The following ZNF704 variants were observed in gnomAD, a reference collection of about 807,000 sequenced individuals.
ZNF704 encodes the protein glucocorticoid induced gene 1.
A neutral mutation model predicts 44.7 loss-of-function variants in ZNF704; 10 were observed. The ratio of observed to expected loss-of-function variants is 0.22; its 90% CI spans 0.14 to 0.38. The LOEUF is 0.38. Ranked by LOEUF, ZNF704 falls within the 10% of genes least tolerant of loss-of-function variation. ZNF704 has a pLI of 1.00. For missense variants in ZNF704, 390 were observed against 545.5 expected, an observed-to-expected ratio of 0.71 and a Z score of 2.84; for synonymous variants, 211 against 207.6, an observed-to-expected ratio of 1.02 and a Z score of -0.14.
At chr8:80,767,536 T>C (rs1178285495) in intron 2 of ZNF704, among the ~76,000 whole-genome samples, 1 of 152,332 alleles carries the variant, frequency 6.6e-6, no homozygotes, top group South Asian at 2.1e-4. Context: ...AATCATAAAA[T>C]AGTGCATGTT....
chr8:80,815,578 C>T (rs1281040402), intron 2 of ZNF704, among the ~76,000 whole-genome samples: 1 of 152,146 alleles, frequency 6.6e-6, no homozygotes, highest in Non-Finnish European at 1.5e-5. Context: ...ATATTTTGAG[C>T]ATTACATTTG....
At position 80,633,131 on chromosome 8, in the gene ZNF704, A is replaced by G. The variant is rs751459868; in HGVS notation, c.*8235T>C. The G allele has an allele frequency of 5.3e-5, 8 of 152,218 alleles. No homozygotes were observed. Among genetic ancestry groups the G allele is most frequent in the Admixed American group, 5.2e-4 (8 of 15,284 alleles). 9.4% of individuals were successfully genotyped at this position (152,218 alleles called of 1,614,324 possible). On this transcript the variant is annotated 3_prime_UTR_variant, in exon 9 of 9. Coordinates refer to ENST00000327835, the MANE Select transcript of ZNF704 (RefSeq NM_001033723.3). ...TGCCAATGTCATTTAAATTGCATTCATATTTAAACATGACTTAACCATATT... is the reference window on the plus strand; with the variant it reads ...TGCCAATGTCATTTAAATTGCATTCGTATTTAAACATGACTTAACCATATT...
chr8:80,870,916 C>G (rs1304606170), intron 1 of ZNF704, among the ~76,000 whole-genome samples: 3 of 152,186 alleles, frequency 2.0e-5, no homozygotes, highest in African/African-American at 7.2e-5. Context: ...AACAGAAAAC[C>G]TGATTTTTGT....
chr8:80,651,887 C>T (rs1265774080), intron 7 of ZNF704, among the ~76,000 whole-genome samples: 1 of 152,176 alleles, frequency 6.6e-6, no homozygotes. Flanking sequence ...CCACACCACA[C>T]CTATTCCAAA....
chr8:80,789,175 C>T (rs980559590), intron 2 of ZNF704, among the ~76,000 whole-genome samples: 4 of 151,936 alleles, frequency 2.6e-5, no homozygotes, highest in Admixed American at 1.3e-4. Flanking sequence ...AATGATTCTA[C>T]AAAAGAGAAA....
At chr8:80,879,414 T>G (rs1370953645), upstream of ZNF704, among the ~76,000 whole-genome samples, 4 of 151,680 alleles carry the variant, frequency 2.6e-5, no homozygotes, top group African/African-American at 7.3e-5. Context: ...TTTTTGGGGG[T>G]TTATTTGTTT....
intron 3 of ZNF704, among the ~76,000 whole-genome samples, chr8:80,690,155 G>C (rs1338601527): frequency 6.6e-6 from 1 of 151,888 alleles, no homozygotes; most frequent in Non-Finnish European, 1.5e-5. Context: ...AGACAATTTG[G>C]GGTTATTAGT....
chr8:80,853,866 AG>A (rs1808913970), intron 1 of ZNF704, among the ~76,000 whole-genome samples: 1 of 152,218 alleles, frequency 6.6e-6, no homozygotes, highest in Non-Finnish European at 1.5e-5. Context: ...ATGGCCTGGA[AG>A]TCACTGGGAA....
chr8:80,755,784 C>T (rs886388376), intron 2 of ZNF704, among the ~76,000 whole-genome samples: 1 of 152,070 alleles, frequency 6.6e-6, no homozygotes, highest in African/African-American at 2.4e-5. Context: ...ACAACAGTAC[C>T]CCCAAACAGC....
rs118076620 is a variant in ZNF704 at position 80,770,368 on chromosome 8, C to T, written c.221+51006G>A. Among the ~76,000 whole-genome samples the T allele has an allele frequency of 3.9e-5, 6 of 152,288 alleles. No homozygotes were observed. In the East Asian group the frequency reaches 1.2e-3, roughly 29 times the overall value. On this transcript the variant is annotated intron_variant, in intron 2 of 8. Transcript: ENST00000327835. The stretch of plus-strand genomic sequence containing the variant: ...CACTCCTGGTAACCATTAATTTGTT[C>T]TCTATCTTGATAGTTTTAATAGATA...
At chr8:80,798,212 T>C (rs1435822156) in intron 2 of ZNF704, among the ~76,000 whole-genome samples, 1 of 152,110 alleles carries the variant, frequency 6.6e-6, no homozygotes, top group Non-Finnish European at 1.5e-5. Flanking sequence ...ATACCTTGTT[T>C]CTCAGTTCCA....
At chr8:80,697,037 T>A (rs1818737626) in intron 2 of ZNF704, among the ~76,000 whole-genome samples, 1 of 152,224 alleles carries the variant, frequency 6.6e-6, no homozygotes, top group Non-Finnish European at 1.5e-5. Flanking sequence ...TGTCACTCTA[T>A]ACATGATTTG....
At chr8:80,840,330 T>C (rs1808656602) in intron 1 of ZNF704, among the ~76,000 whole-genome samples, 1 of 152,012 alleles carries the variant, frequency 6.6e-6, no homozygotes, top group Non-Finnish European at 1.5e-5. Context: ...TGTGTGCGCG[T>C]GTGTTTTTAT....
chr8:80,711,308 C>T, intron 2 of ZNF704, among the ~76,000 whole-genome samples: 1 of 152,146 alleles, frequency 6.6e-6, no homozygotes, highest in Non-Finnish European at 1.5e-5. Flanking sequence ...GCAGCAGTGG[C>T]AACAGGAGTC....
At chr8:80,835,295 G>A (rs374566240) in intron 1 of ZNF704, among the ~76,000 whole-genome samples, 1 of 152,110 alleles carries the variant, frequency 6.6e-6, no homozygotes, top group East Asian at 1.9e-4. Context: ...ATATGGTAAG[G>A]ACTGTAAACC....
intron 8 of ZNF704, among the ~76,000 whole-genome samples, 170 bp from the exon 9 acceptor site, chr8:80,641,647 C>T (rs1817746105): frequency 6.6e-6 from 1 of 151,520 alleles, no homozygotes; most frequent in Non-Finnish European, 1.5e-5. Context: ...GTGGGCGGAT[C>T]ACCAGAGGTC....
Position 80,637,243 on chromosome 8 carries a change from CT to C in ZNF704, c.*4122del, listed in dbSNP as rs1271127967. The C allele has an allele frequency of 6.6e-6, 1 of 152,156 alleles. No homozygotes were observed. Among genetic ancestry groups the C allele is most frequent in the Non-Finnish European group, 1.5e-5 (1 of 68,024 alleles). 9.4% of individuals were successfully genotyped at this position (152,156 alleles called of 1,614,324 possible). ...AAAAAATTGTTCTGACTATAAAAGA[CT>C]TTAGTGATAACAAAATTCTTCCTAG... On this transcript the variant is annotated 3_prime_UTR_variant, in exon 9 of 9. Coordinates refer to ENST00000327835, the MANE Select transcript of ZNF704 (RefSeq NM_001033723.3).
intron 2 of ZNF704, among the ~76,000 whole-genome samples, chr8:80,693,323 T>C (rs554212714): frequency 1.5e-4 from 23 of 152,202 alleles, no homozygotes; most frequent in Non-Finnish European, 2.9e-4. Context: ...GATTCCATCA[T>C]CCATACTTCA....
At chr8:80,695,744 G>T (rs1406179020) in intron 2 of ZNF704, among the ~76,000 whole-genome samples, 1 of 152,086 alleles carries the variant, frequency 6.6e-6, no homozygotes, top group Non-Finnish European at 1.5e-5. Context: ...ATTTTGCATT[G>T]CGAAAATCTA....
Sources: allele counts gnomAD v4.1 joint callset (sites outside exome capture counted in the v4.1 genomes callset), GRCh38; gene constraint gnomAD v4.1.1; transcripts MANE v1.5; gene names NCBI Gene and HGNC (gene_info 2026-07-23, HGNC 2026-07-21).